Variants in AMMECR1 observed in about 807,000 individuals in gnomAD.
The protein encoded by AMMECR1 is nuclear protein AMMECR1.
A neutral mutation model predicts 22.5 loss-of-function variants in AMMECR1; 3 were observed. The observed-to-expected ratio is 0.13, with a 90% CI of 0.06 to 0.35. The LOEUF (loss-of-function observed/expected upper bound fraction) is 0.35. Among genes scored for constraint, AMMECR1 ranks in the 10% least tolerant of loss-of-function variants. The pLI is 1.00. For missense variants in AMMECR1, 235 were observed against 278.7 expected (o/e 0.84, Z 1.12); for synonymous variants, 130 against 116.7 (o/e 1.11, Z -0.74).
At chrX:110,352,650 C>T (rs1258414942) in intron 2 of AMMECR1, among the ~76,000 whole-genome samples, 1 of 111,417 alleles carries the variant, frequency 9.0e-6, no homozygotes, top group Non-Finnish European at 1.9e-5. Flanking sequence ...TTGCACAACT[C>T]TTTGAATATA....
At chrX:110,330,240 C>A (rs2068115397) in intron 2 of AMMECR1, among the ~76,000 whole-genome samples, 2 of 110,438 alleles carry the variant, frequency 1.8e-5, no homozygotes, top group Admixed American at 9.6e-5. Context: ...TACTTCACGA[C>A]AAAAAAAACG....
intron 2 of AMMECR1, among the ~76,000 whole-genome samples, chrX:110,227,792 T>C (rs893315654): frequency 2.7e-5 from 3 of 112,082 alleles, no homozygotes; most frequent in African/African-American, 9.7e-5. Context: ...TACTCTGCTA[T>C]TGGGTCAAGA....
chrX:110,259,501 A>T (rs2067727723), intron 2 of AMMECR1, among the ~76,000 whole-genome samples: 1 of 111,562 alleles, frequency 9.0e-6, no homozygotes, highest in South Asian at 3.8e-4. Context: ...GTTCTAGAAA[A>T]ATTACTGCCA....
At chrX:110,302,468 C>CATTGCTAGAATTAT (rs2067972307) in intron 1 of AMMECR1, among the ~76,000 whole-genome samples, 2 of 111,980 alleles carry the variant, frequency 1.8e-5, no homozygotes, top group Non-Finnish European at 3.8e-5. Context: ...AGAATTTACA[C>CATTGCTAGAATTAT]AGTAAAAATT....
intron 1 of AMMECR1, among the ~76,000 whole-genome samples, chrX:110,311,024 T>C (rs1279589898): frequency 8.9e-6 from 1 of 112,131 alleles, no homozygotes; most frequent in Non-Finnish European, 1.9e-5. Context: ...AGGCCACTTT[T>C]AATTTCCTTG....
intron 1 of AMMECR1, among the ~76,000 whole-genome samples, chrX:110,313,742 C>G (rs963798312): frequency 9.0e-6 from 1 of 111,477 alleles, no homozygotes; most frequent in African/African-American, 3.3e-5. Context: ...GTCACCCTCA[C>G]CCCTCAACTA....
chrX:110,343,635 T>G (rs1202879064), intron 2 of AMMECR1, among the ~76,000 whole-genome samples: 2 of 111,250 alleles, frequency 1.8e-5, no homozygotes, highest in African/African-American at 6.5e-5. Flanking sequence ...GATAAGCAAA[T>G]TCAGGAAAGT....
intron 2 of AMMECR1, among the ~76,000 whole-genome samples, chrX:110,374,091 T>C (rs2068358914): frequency 8.9e-6 from 1 of 111,815 alleles, no homozygotes; most frequent in Non-Finnish European, 1.9e-5. Flanking sequence ...GAGATAATAT[T>C]CAAAGAGAAA....
chrX:110,328,234 A>G (rs1179934950), intron 2 of AMMECR1, among the ~76,000 whole-genome samples: 2 of 111,772 alleles, frequency 1.8e-5, no homozygotes, highest in African/African-American at 6.5e-5. Context: ...TTTACTGCAC[A>G]ACTTCAAGCA....
upstream of AMMECR1, among the ~76,000 whole-genome samples, chrX:110,318,565 C>T (rs2068066333): frequency 9.0e-6 from 1 of 110,647 alleles, no homozygotes; most frequent in Non-Finnish European, 1.9e-5. Context: ...AACCCCCCGC[C>T]GCAAGCAGTA....
intron 1 of AMMECR1, among the ~76,000 whole-genome samples, chrX:110,274,182 T>C (rs757694614): frequency 8.9e-6 from 1 of 111,760 alleles, no homozygotes; most frequent in Non-Finnish European, 1.9e-5. Context: ...TAGGTCTCCT[T>C]ATAGAGATCT....
At chrX:110,283,881 G>A (rs2067865434) in intron 1 of AMMECR1, among the ~76,000 whole-genome samples, 1 of 111,768 alleles carries the variant, frequency 8.9e-6, no homozygotes, top group Middle Eastern at 4.7e-3. Context: ...CAATACTTTG[G>A]GAGGCCGAGG....
chrX:110,336,556 A>C (rs753738973), intron 2 of AMMECR1, among the ~76,000 whole-genome samples: 6 of 110,191 alleles, frequency 5.4e-5, no homozygotes, highest in Non-Finnish European at 1.1e-4. Context: ...AAACAAAAAA[A>C]CAAAAAAAAT....
chrX:110,219,575 C>G, intron 2 of AMMECR1: 7 of 750,487 alleles, frequency 9.3e-6, no homozygotes, highest in Non-Finnish European at 1.1e-5. Context: ...GTGCTTTTCT[C>G]ATGACATGGA....
rs1285801518 is a variant in AMMECR1 at position 110,194,816 on chromosome X, G to A, written c.*3704C>T. On this transcript the variant is annotated 3_prime_UTR_variant, in exon 6 of 6. Transcript: ENST00000262844. Reference sequence around the variant, plus strand: ...TATTTGTATATAAAGGATCAATGCTGGTCTTAAGAATAATGTCATCAGAAA... The same window carrying A: ...TATTTGTATATAAAGGATCAATGCTAGTCTTAAGAATAATGTCATCAGAAA... The A allele has an allele frequency of 9.0e-6, 1 of 111,693 alleles. No homozygotes were observed. The highest frequency in any genetic ancestry group is 1.9e-5 in the Non-Finnish European group (1 of 53,115). The allele number at this position is 111,693 out of a possible 1,213,427, so 9.2% of individuals were successfully genotyped here.
chrX:110,388,965 G>C (rs1035128883), intron 2 of AMMECR1, among the ~76,000 whole-genome samples: 5 of 112,427 alleles, frequency 4.4e-5, no homozygotes, highest in African/African-American at 1.6e-4. Context: ...TTTTTAAGCA[G>C]TGTCCAAAGA....
intron 2 of AMMECR1, among the ~76,000 whole-genome samples, chrX:110,231,197 C>T (rs111635787): frequency 4.9e-4 from 54 of 110,842 alleles, no homozygotes; most frequent in African/African-American, 1.6e-3. Context: ...AGATACTCCT[C>T]GAGAAGAGCA....
Position 110,401,093 on chromosome X carries a change from G to T in AMMECR1, c.-148+25565C>A, listed in dbSNP as rs765012754. ...TTATTTTCATCCTCGTTTTACAGAT[G>T]AAAGTGGAAAATTCAGACCAGTGAC... On this transcript the variant is annotated intron_variant, in intron 2 of 7. Transcript: ENST00000372057. 3.6e-5 allele frequency among the ~76,000 whole-genome samples: 4 copies of T among 112,452 alleles called. No homozygotes were observed. In the South Asian group the frequency reaches 1.5e-3, roughly 41 times the overall value.
At chrX:110,219,500 G>C (rs1243370971) in intron 2 of AMMECR1, 6 of 750,374 alleles carry the variant, frequency 8.0e-6, no homozygotes, top group Non-Finnish European at 9.4e-6. Context: ...GCTCAATGCA[G>C]TTCAAACTAT....
Sources: allele counts gnomAD v4.1 joint callset (sites outside exome capture counted in the v4.1 genomes callset), GRCh38; gene constraint gnomAD v4.1.1; transcripts MANE v1.5; gene names NCBI Gene and HGNC (gene_info 2026-07-23, HGNC 2026-07-21).